Variants in INTS9 observed in about 807,000 individuals in gnomAD.
INTS9 encodes protein related to CPSF subunits of 74 kDa.
INTS9 carries 55 observed loss-of-function variants against 79.7 expected under a neutral mutation model. The ratio of observed to expected loss-of-function variants is 0.69; its 90% CI spans 0.56 to 0.86. INTS9 has a LOEUF of 0.86. Ranked by LOEUF, INTS9 falls within the 40% of genes least tolerant of loss-of-function variation. The pLI is 0.00. For missense variants in INTS9, 721 were observed against 831.5 expected (o/e 0.87, Z 1.64); for synonymous variants, 319 against 325.2 (o/e 0.98, Z 0.20).
chr8:28,811,263 G>A (rs1222393622), intron 8 of INTS9, among the ~76,000 whole-genome samples: 1 of 151,910 alleles, frequency 6.6e-6, no homozygotes, highest in East Asian at 1.9e-4. Flanking sequence ...AAGTAGCTGG[G>A]ATTATAGGTG....
Position 28,846,803 on chromosome 8 carries a change from T to C in INTS9, c.205A>G (p.Lys69Glu). The C allele has an allele frequency of 6.2e-7, 1 of 1,612,762 alleles. No homozygotes were observed. The highest frequency in any genetic ancestry group is 8.5e-7 in the Non-Finnish European group (1 of 1,178,814). Residue 69 changes from lysine to glutamate, a missense_variant, in exon 4 of 17, where the codon AAG becomes GAG. Physicochemically the swap from Lys to Glu is moderately conservative, Grantham distance 56. Around this residue, in one of 3 missense-constraint regions of INTS9, gnomAD observed 291 missense variants for 307.0 expected, o/e 0.95. Transcript: ENST00000521022. ...DGNAFLDKEL[K>E]ECSGHVFVDS... ...ACAAATACATGACCCGAGCACTCCT[T>C]TAGCTCCTAAAAGAAATGAAAAGGA...
intron 14 of INTS9, 75 bp downstream of exon 14, chr8:28,775,684 A>C: frequency 6.8e-7 from 1 of 1,464,638 alleles, no homozygotes; most frequent in Non-Finnish European, 9.4e-7. Context: ...AATCCAAAAG[A>C]AGGCCACCCC....
intron 1 of INTS9, among the ~76,000 whole-genome samples, chr8:28,872,267 A>G (rs1809136997): frequency 1.3e-5 from 2 of 152,242 alleles, no homozygotes; most frequent in Admixed American, 6.5e-5. Flanking sequence ...TCTAAACAGT[A>G]TATTTTCATC....
intron 8 of INTS9, 102 bp downstream of exon 8, chr8:28,812,225 A>G: frequency 8.3e-7 from 1 of 1,201,858 alleles, no homozygotes; most frequent in Non-Finnish European, 1.2e-6. Context: ...GTAGAAAACC[A>G]TATTTGGAAG....
intron 1 of INTS9, among the ~76,000 whole-genome samples, chr8:28,880,249 C>G (rs1585530453): frequency 7.0e-6 from 1 of 142,116 alleles, no homozygotes; most frequent in Non-Finnish European, 1.5e-5. Context: ...TCTCCCTCTC[C>G]CTCTCCCTCT....
intron 5 of INTS9, among the ~76,000 whole-genome samples, chr8:28,835,580 G>A (rs1806764969): frequency 6.6e-6 from 1 of 152,116 alleles, no homozygotes; most frequent in Admixed American, 6.5e-5. Flanking sequence ...GCATTTCCAT[G>A]CTAAAAATTC....
chr8:28,873,392 G>C (rs1188242509), intron 1 of INTS9, among the ~76,000 whole-genome samples: 1 of 152,192 alleles, frequency 6.6e-6, no homozygotes, highest in Non-Finnish European at 1.5e-5. Flanking sequence ...GCTATTTGCA[G>C]ACAGGTGACA....
chr8:28,815,641 A>G (rs182901889), intron 6 of INTS9, among the ~76,000 whole-genome samples: 12 of 152,324 alleles, frequency 7.9e-5, no homozygotes, highest in African/African-American at 2.9e-4. Flanking sequence ...CATAAGGGAC[A>G]CTCAACCTGT....
Position 28,837,848 on chromosome 8 carries a change from G to A in INTS9, c.262-72C>T, listed in dbSNP as rs562345921. 1.9e-4 allele frequency: 270 copies of A among 1,425,888 alleles called. 2 individuals carry two copies. Among genetic ancestry groups the A allele is most frequent in the Middle Eastern group, 1.8e-3 (10 of 5,454 alleles). 88.3% of individuals were successfully genotyped at this position (1,425,888 alleles called of 1,614,324 possible). Reference sequence around the variant, plus strand: ...CAATATGATGTGACTAAAAAACGACGTTGTCAGAATGCAGAGAAGTAGTTT... The same window carrying A: ...CAATATGATGTGACTAAAAAACGACATTGTCAGAATGCAGAGAAGTAGTTT... On this transcript the variant is annotated intron_variant, in intron 4 of 16. Transcript: ENST00000521022.
chr8:28,798,420 C>T (rs1470931398), intron 8 of INTS9: 1 of 152,118 alleles, frequency 6.6e-6, no homozygotes, highest in Non-Finnish European at 1.5e-5. Context: ...ATCCCGAGGG[C>T]TAAAGGGAGA....
At chr8:28,784,480 G>C (rs905213091) in intron 11 of INTS9, among the ~76,000 whole-genome samples, 2 of 152,162 alleles carry the variant, frequency 1.3e-5, no homozygotes, top group Non-Finnish European at 2.9e-5. Flanking sequence ...TTAGACTACA[G>C]GGACCAAAAA....
chr8:28,819,953 T>C (rs1201786829), intron 6 of INTS9, among the ~76,000 whole-genome samples: 1 of 152,188 alleles, frequency 6.6e-6, no homozygotes, highest in Non-Finnish European at 1.5e-5. Context: ...AAGTCTGTTT[T>C]ATCAGAGACA....
At chr8:28,807,057 A>G (rs1008826593) in intron 8 of INTS9, among the ~76,000 whole-genome samples, 1 of 152,210 alleles carries the variant, frequency 6.6e-6, no homozygotes, top group Admixed American at 6.5e-5. Context: ...AAAATCAATA[A>G]TACAGACAAA....
intron 4 of INTS9, among the ~76,000 whole-genome samples, chr8:28,839,783 A>G (rs543713345): frequency 2.6e-5 from 4 of 152,118 alleles, no homozygotes; most frequent in Middle Eastern, 3.4e-3. Context: ...CTTATACAAA[A>G]ATTAATTCAA....
chr8:28,860,380 G>C (rs567146979), intron 1 of INTS9, among the ~76,000 whole-genome samples: 25 of 152,006 alleles, frequency 1.6e-4, no homozygotes, highest in Non-Finnish European at 3.5e-4. Context: ...AATGGAAGAA[G>C]ACCCTTTCCC....
At chr8:28,836,422 T>C (rs1395806689) in intron 5 of INTS9, among the ~76,000 whole-genome samples, 1 of 152,226 alleles carries the variant, frequency 6.6e-6, no homozygotes, top group Non-Finnish European at 1.5e-5. Flanking sequence ...CCATTCCTAA[T>C]CTAATATTCG....
chr8:28,784,227 C>A (rs1210528337), intron 11 of INTS9, among the ~76,000 whole-genome samples: 2 of 152,206 alleles, frequency 1.3e-5, no homozygotes, highest in Non-Finnish European at 1.5e-5. Flanking sequence ...ACTCACATTC[C>A]TAACTCTAAA....
intron 3 of INTS9, among the ~76,000 whole-genome samples, chr8:28,848,693 C>T (rs1291156519): frequency 6.6e-6 from 1 of 152,194 alleles, no homozygotes; most frequent in African/African-American, 2.4e-5. Context: ...ATGTAATCTT[C>T]TTCCCCATAA....
intron 4 of INTS9, among the ~76,000 whole-genome samples, chr8:28,845,155 A>G (rs1057217823): frequency 2.0e-5 from 3 of 152,368 alleles, no homozygotes; most frequent in East Asian, 3.9e-4. Flanking sequence ...TCTACAGACC[A>G]TAAATTCAAT....
Sources: gnomAD v4.1 joint callset for allele counts (sites outside exome capture counted in the v4.1 genomes callset) on GRCh38, gnomAD v4.1.1 for gene constraint, gnomAD v4.1.1 regional missense constraint, MANE v1.5 for transcripts, NCBI Gene and HGNC (gene_info 2026-07-23, HGNC 2026-07-21) for gene names.